The following ZCCHC10 variants were observed in gnomAD, a reference collection of about 807,000 sequenced individuals.
ZCCHC10 encodes zinc finger CCHC domain-containing protein 10.
ZCCHC10 carries 16 observed loss-of-function variants against 19.5 expected under a neutral mutation model. The observed-to-expected ratio is 0.82, with a 90% CI of 0.56 to 1.25. ZCCHC10 has a LOEUF of 1.25. Ranked by LOEUF, ZCCHC10 falls within the 50% of genes most tolerant of loss-of-function variation. The probability of loss-of-function intolerance (pLI) is 0.00; values close to 1 mark genes in which losing one functional copy is unlikely to be tolerated. For synonymous variants in ZCCHC10, 67 were observed against 72.5 expected, an observed-to-expected ratio of 0.92 and a Z score of 0.38; for missense variants, 197 against 201.0, an observed-to-expected ratio of 0.98 and a Z score of 0.12.
intron 3 of ZCCHC10, among the ~76,000 whole-genome samples, chr5:133,005,660 T>G (rs1354339708): frequency 7.7e-6 from 1 of 129,398 alleles, no homozygotes; most frequent in Non-Finnish European, 1.6e-5. Flanking sequence ...CAAACACCAC[T>G]ATTCTGCCAT....
intron 2 of ZCCHC10, among the ~76,000 whole-genome samples, chr5:133,022,080 G>C (rs757032185): frequency 9.2e-5 from 14 of 152,138 alleles, no homozygotes; most frequent in Non-Finnish European, 1.6e-4. Context: ...ACAGGCATGA[G>C]CCACCGCACC....
At chr5:133,024,642 C>G (rs1399894810) in intron 1 of ZCCHC10, among the ~76,000 whole-genome samples, 1 of 152,196 alleles carries the variant, frequency 6.6e-6, no homozygotes, top group African/African-American at 2.4e-5. Context: ...TGGCTCATGC[C>G]TGTAATCCCA....
chr5:133,019,207 A>G, intron 2 of ZCCHC10: 1 of 295,920 alleles, frequency 3.4e-6, no homozygotes, highest in Non-Finnish European at 6.7e-6. Context: ...ACTGTCTCTA[A>G]AAAAAAAAAA....
chr5:133,012,032 G>A (rs1218811707), intron 2 of ZCCHC10, among the ~76,000 whole-genome samples: 2 of 151,470 alleles, frequency 1.3e-5, no homozygotes, highest in Non-Finnish European at 2.9e-5. Context: ...AGCTACTTGG[G>A]AGGCTGAGGC....
chr5:133,004,485 T>A (rs1762980093), intron 3 of ZCCHC10, among the ~76,000 whole-genome samples: 1 of 151,402 alleles, frequency 6.6e-6, no homozygotes, highest in Non-Finnish European at 1.5e-5. Context: ...AGTTCTTATT[T>A]TATTTTTATT....
chr5:133,001,894 C>T (rs1391442139), intron 3 of ZCCHC10, among the ~76,000 whole-genome samples: 1 of 147,654 alleles, frequency 6.8e-6, no homozygotes, highest in African/African-American at 2.5e-5. Context: ...TCATTTTGGG[C>T]ATAAAATAAG....
intron 1 of ZCCHC10, among the ~76,000 whole-genome samples, chr5:133,025,225 CCG>C (rs1456304474): frequency 2.6e-5 from 4 of 152,130 alleles, no homozygotes; most frequent in African/African-American, 7.2e-5. Context: ...AAAGGGGTTG[CCG>C]CGCGCGGTAG....
chr5:133,000,644 CTTTTTTTTTT>C, intron 3 of ZCCHC10, among the ~76,000 whole-genome samples: 1 of 134,514 alleles, frequency 7.4e-6, no homozygotes, highest in Middle Eastern at 3.8e-3. Context: ...CCGTTATTTA[CTTTTTTTTTT>C]TTTTTTTTGA....
intron 4 of ZCCHC10, 124 bp downstream of exon 4, chr5:133,000,008 A>C: frequency 1.8e-6 from 2 of 1,102,460 alleles, no homozygotes; most frequent in Non-Finnish European, 2.6e-6. Context: ...TTGGCCTCCC[A>C]AAGTGCTGGG....
rs1762513562 is a variant in ZCCHC10, at chr5:132,997,713, G to T, written c.*870C>A. 1 of 152,054 alleles carries T rather than the reference G, an allele frequency of 6.6e-6. No individual in the cohort carries two copies. Among genetic ancestry groups the T allele is most frequent in the South Asian group, 2.1e-4 (1 of 4,824 alleles). 9.4% of individuals were successfully genotyped at this position (152,054 alleles called of 1,614,324 possible). A position where few individuals can be genotyped will look rare whatever the true frequency, so the allele number is the denominator to read the frequency against. On this transcript the variant is annotated 3_prime_UTR_variant, in exon 5 of 5. Transcript: ENST00000509437. ...CTTTTAATAAAAGGCGACCAACATT[G>T]CCCTAATTTTCAGTAAAAATTACCT... is the stretch of plus-strand genomic sequence containing the variant.
chr5:133,006,696 C>G (rs564556541), intron 3 of ZCCHC10, 63 bp downstream of exon 3: 8 of 1,451,118 alleles, frequency 5.5e-6, no homozygotes, highest in Admixed American at 4.7e-5. Flanking sequence ...AACGTTTGGT[C>G]CTTTAATAAA....
chr5:133,016,871 A>C, intron 2 of ZCCHC10, among the ~76,000 whole-genome samples: 2 of 147,960 alleles, frequency 1.4e-5, no homozygotes, highest in South Asian at 2.1e-4. Flanking sequence ...CTCCTCCCCC[A>C]TATCCTCTTA....
At chr5:133,003,722 T>A (rs575742037) in intron 3 of ZCCHC10, among the ~76,000 whole-genome samples, 2 of 152,156 alleles carry the variant, frequency 1.3e-5, no homozygotes, top group South Asian at 2.1e-4. Context: ...ATATATATAT[T>A]TTTGGCGAGA....
At chr5:133,009,538 A>C (rs1313445140) in intron 2 of ZCCHC10, among the ~76,000 whole-genome samples, 1 of 148,588 alleles carries the variant, frequency 6.7e-6, no homozygotes, top group Non-Finnish European at 1.5e-5. Context: ...GTTTGAACTT[A>C]AGGAGGCAGA....
chr5:133,001,199 C>T (rs1328501804), intron 3 of ZCCHC10, among the ~76,000 whole-genome samples: 5 of 151,514 alleles, frequency 3.3e-5, no homozygotes. Context: ...ACCAGCCTGG[C>T]CAACATGGTG....
At chr5:133,012,368 T>G (rs1191336128) in intron 2 of ZCCHC10, among the ~76,000 whole-genome samples, 1 of 149,610 alleles carries the variant, frequency 6.7e-6, no homozygotes, top group Non-Finnish European at 1.5e-5. Flanking sequence ...CTTGGGAGGC[T>G]GAGGCAGGAG....
At position 133,026,518 on chromosome 5, in the gene ZCCHC10, C is replaced by T. The variant is rs763610137; in HGVS notation, c.20G>A (p.Arg7Gln). 1 of 1,613,800 alleles carries T rather than the reference C, an allele frequency of 6.2e-7. No homozygotes were observed. The highest frequency in any genetic ancestry group is 1.1e-5 in the South Asian group (1 of 90,980). Residue 7 changes from arginine (R) to glutamine (Q), a missense_variant, in exon 1 of 5, where the codon CGG becomes CAG. Arg to Gln is a conservative substitution (Grantham distance 43). Coordinates refer to ENST00000509437, the MANE Select transcript of ZCCHC10 (RefSeq NM_001300816.3). ...TTACGCTTGTCTCCGGGCTATTAGCCGATGCATGGGAGTCGCCATCTTAGC... is the reference window on the plus strand; with the variant it reads ...TTACGCTTGTCTCCGGGCTATTAGCTGATGCATGGGAGTCGCCATCTTAGC... Reference protein sequence around the residue: MATPMHRLIARRQAFDT... With the variant: MATPMHQLIARRQAFDT...
At chr5:133,019,085 C>T (rs753639196) in intron 2 of ZCCHC10, 2 of 452,108 alleles carry the variant, frequency 4.4e-6, no homozygotes, top group South Asian at 3.1e-5. Flanking sequence ...CAAATATCAT[C>T]TAAAGCTCAG....
intron 2 of ZCCHC10, among the ~76,000 whole-genome samples, chr5:133,009,613 C>CAAAAAAAAAAAAAAAA (rs59555378): frequency 1.8e-5 from 1 of 55,524 alleles, no homozygotes; most frequent in East Asian, 5.2e-4. Flanking sequence ...GACTCCGTCT[C>CAAAAAAAAAAAAAAAA]AAAAAAAAAA....
Sources: allele counts gnomAD v4.1 joint callset (sites outside exome capture counted in the v4.1 genomes callset), GRCh38; gene constraint gnomAD v4.1.1; transcripts MANE v1.5; gene names NCBI Gene and HGNC (gene_info 2026-07-23, HGNC 2026-07-21).